SLC24A1: variants seen among roughly 807,000 people sequenced by gnomAD.
SLC24A1 encodes the protein solute carrier family 24 member 1.
In SLC24A1, 52 loss-of-function variants were observed where a neutral mutation model predicts 88.1. That is an observed-to-expected ratio of 0.59 (90% CI 0.47 to 0.74). The LOEUF is 0.74. Ranked by LOEUF, SLC24A1 falls within the 30% of genes least tolerant of loss-of-function variation. The pLI is 0.00. For missense variants in SLC24A1, 1,173 were observed against 1,363.3 expected, an observed-to-expected ratio of 0.86 and a Z score of 2.20; for synonymous variants, 455 against 498.0, an observed-to-expected ratio of 0.91 and a Z score of 1.15.
chr15:65,635,458 A>AG (rs2074892592), intron 2 of SLC24A1, among the ~76,000 whole-genome samples: 1 of 148,616 alleles, frequency 6.7e-6, no homozygotes, highest in Non-Finnish European at 1.5e-5. Flanking sequence ...AAAAAAAAAA[A>AG]AAAAAAAAAA....
In SLC24A1 at chr15:65,639,694, C is replaced by G. The variant is rs761935077; in HGVS notation, c.2044C>G (p.Leu682Val). ...YQLMLHSLDP[L>V]REVRLAKEKE... ...GCTCATGCTCCACAGCCTGGACCCC[C>G]TGAGGGAAGGTAAGCAAGGCCTCTC... The change falls in exon 4 of 10, where the codon CTG (leucine) becomes GTG (valine). Residue 682 changes from leucine (L) to valine (V), a missense_variant. By Grantham distance (32) the Leu-to-Val change is conservative. Transcript: ENST00000261892. 2 of 1,609,982 alleles carry G rather than the reference C, an allele frequency of 1.2e-6. No homozygotes were observed. The highest frequency in any genetic ancestry group is 1.1e-5 in the South Asian group (1 of 90,110).
At position 65,650,641 on chromosome 15, in the gene SLC24A1, A is replaced by G. The variant is rs1181634746; in HGVS notation, c.2492A>G (p.Gln831Arg). Residue 831 changes from glutamine to arginine, a missense_variant, in exon 7 of 10, where the codon CAG (glutamine) becomes CGG (arginine). Physicochemically the swap from Gln to Arg is conservative, Grantham distance 43. Coordinates refer to ENST00000261892, the MANE Select transcript of SLC24A1 (RefSeq NM_004727.3). This position sits in a 1 kb window ranked among gnomAD's most constrained non-coding sequence, Gnocchi z 4.1. The part of the protein sequence containing the change: ...MKGNEGETES[Q>R]ELSAENHGEA... ...GGTAATGAAGGTGAAACTGAAAGCC[A>G]GGAACTCAGTGCTGAAAATCACGGT... 1 of 1,550,034 alleles carries G rather than the reference A, an allele frequency of 6.5e-7. No individual in the cohort carries two copies. The highest frequency in any genetic ancestry group is 1.4e-5 in the African/African-American group (1 of 72,838).
intron 5 of SLC24A1, 132 bp downstream of exon 5, chr15:65,644,645 A>G (rs1489555950): frequency 1.6e-6 from 1 of 643,126 alleles, no homozygotes; most frequent in Non-Finnish European, 2.8e-6. Flanking sequence ...TGAGCCAGTC[A>G]GTTAGAGTGA....
downstream of SLC24A1, chr15:65,660,071 C>T (rs779462365): frequency 4.2e-6 from 2 of 477,352 alleles, no homozygotes; most frequent in Non-Finnish European, 7.4e-6. Flanking sequence ...AAATGTTTCT[C>T]TCAGTTGACA....
At position 65,654,828 on chromosome 15, in the gene SLC24A1, G is replaced by A; in HGVS notation, c.*749G>A. Reference sequence around the variant, plus strand: ...TCAAGCAATTCTCCTGCCTCAGCCTGAAGTCGTGATCTGCCCGCCTCGGCC... The same window carrying A: ...TCAAGCAATTCTCCTGCCTCAGCCTAAAGTCGTGATCTGCCCGCCTCGGCC... On this transcript the variant is annotated 3_prime_UTR_variant, in exon 10 of 10. Coordinates refer to ENST00000261892, the MANE Select transcript of SLC24A1 (RefSeq NM_004727.3). 3.8e-6 allele frequency: 4 copies of A among 1,057,328 alleles called. No homozygotes were observed. The highest frequency in any genetic ancestry group is 5.0e-6 in the Non-Finnish European group (4 of 804,704). The allele number at this position is 1,057,328 out of a possible 1,614,324, so 65.5% of individuals were successfully genotyped here.
chr15:65,628,375 G>T (rs1233269098), intron 2 of SLC24A1, among the ~76,000 whole-genome samples: 1 of 152,130 alleles, frequency 6.6e-6, no homozygotes, highest in Non-Finnish European at 1.5e-5. Context: ...AATAATTTTT[G>T]TGCCTCCTAA....
At chr15:65,641,920 C>T (rs1195252893) in intron 4 of SLC24A1, among the ~76,000 whole-genome samples, 1 of 152,236 alleles carries the variant, frequency 6.6e-6, no homozygotes, top group African/African-American at 2.4e-5. Flanking sequence ...GATGCTAAAG[C>T]CATGATCCGG....
In SLC24A1 at chr15:65,624,942, G is replaced by C. The variant is rs528969623; in HGVS notation, c.862G>C (p.Glu288Gln). ...KNNLFPPRRV[E>Q]SNSSAHPWGL... is the part of the protein sequence containing the mutation. ...CAACCTGTTTCCCCCCAGAAGAGTG[G>C]AAAGTAACAGCTCAGCCCATCCCTG... is the stretch of plus-strand genomic sequence containing the variant. Residue 288 changes from glutamate to glutamine, a missense_variant, in exon 2 of 10, where the codon GAA becomes CAA. Physicochemically the swap from Glu to Gln is conservative, Grantham distance 29. Transcript: ENST00000261892. The C allele has an allele frequency of 6.2e-7, 1 of 1,611,784 alleles. No individual in the cohort carries two copies. The highest frequency in any genetic ancestry group is 2.2e-5 in the East Asian group (1 of 44,874).
intron 6 of SLC24A1, among the ~76,000 whole-genome samples, chr15:65,648,087 C>T (rs1304592698): frequency 1.3e-5 from 2 of 152,120 alleles, no homozygotes; most frequent in Non-Finnish European, 2.9e-5. Flanking sequence ...GGTGAAACCC[C>T]GTCTCTACTA....
downstream of SLC24A1, among the ~76,000 whole-genome samples, chr15:65,657,511 C>T (rs1179964550): frequency 1.3e-5 from 2 of 152,146 alleles, no homozygotes; most frequent in East Asian, 3.9e-4. Context: ...GGCGAGGTGG[C>T]AGGCGCCTAT....
chr15:65,648,667 TA>T (rs776857827), intron 6 of SLC24A1, among the ~76,000 whole-genome samples: 62 of 151,704 alleles, frequency 4.1e-4, no homozygotes, highest in Non-Finnish European at 6.9e-4. Context: ...AATTTTTATT[TA>T]TTTATTTTTT....
At position 65,625,170 on chromosome 15, in the gene SLC24A1, G is replaced by C. The variant is rs553194871; in HGVS notation, c.1090G>C (p.Val364Leu). The change falls in exon 2 of 10, where the codon GTC becomes CTC. Residue 364 changes from valine to leucine, a missense_variant. Val to Leu is a conservative substitution (Grantham distance 32). Transcript: ENST00000261892. ...VSAIKTAPAI[V>L]WRLAKKPSTA... ...AGCCATCAAAACAGCCCCAGCCATA[G>C]TCTGGAGGCTGGCAAAGAAACCTTC... 1.9e-5 allele frequency: 30 copies of C among 1,613,938 alleles called. No individual in the cohort carries two copies. In the South Asian group the frequency reaches 2.7e-4, roughly 15 times the overall value.
Position 65,656,257 on chromosome 15 carries a change from C to G in SLC24A1, c.*2178C>G, listed in dbSNP as rs976180825. On this transcript the variant is annotated 3_prime_UTR_variant, in exon 10 of 10. Transcript: ENST00000261892. ...AATGATTAAAACCAACTCTAATAAT[C>G]TGACATCCTTTTCCCAGTTTGCTGA... 19 of 984,952 alleles carry G rather than the reference C, an allele frequency of 1.9e-5. No individual in the cohort carries two copies. The highest frequency in any genetic ancestry group is 2.3e-5 in the Non-Finnish European group (19 of 829,588). The allele number at this position is 984,952 out of a possible 1,614,324, so 61.0% of individuals were successfully genotyped here. A position where few individuals can be genotyped will look rare whatever the true frequency, so the allele number is the denominator to read the frequency against.
intron 4 of SLC24A1, chr15:65,644,029 T>C (rs1211587077): frequency 4.7e-6 from 1 of 212,778 alleles, no homozygotes; most frequent in Non-Finnish European, 9.6e-6. Context: ...CAATCAATCA[T>C]GGTACTTTTC....
chr15:65,630,614 A>G (rs2074686934), intron 2 of SLC24A1, among the ~76,000 whole-genome samples: 1 of 152,174 alleles, frequency 6.6e-6, no homozygotes, highest in African/African-American at 2.4e-5. Context: ...GTTTCCCTCT[A>G]ATTGTCAGGA....
chr15:65,655,625 A>T lies in SLC24A1; in HGVS notation c.*1546A>T. The T allele has an allele frequency of 1.0e-6, 1 of 985,394 alleles. No homozygotes were observed. Among genetic ancestry groups the T allele is most frequent in the Non-Finnish European group, 1.2e-6 (1 of 829,900 alleles). 61.0% of individuals were successfully genotyped at this position (985,394 alleles called of 1,614,324 possible). A position where few individuals can be genotyped will look rare whatever the true frequency, so the allele number is the denominator to read the frequency against. ...TGAGCTCGGGTGACTGCAGATTATG[A>T]TGGTAAATATGGCTTTAATTACAAA... On this transcript the variant is annotated 3_prime_UTR_variant, in exon 10 of 10. Coordinates refer to ENST00000261892, the MANE Select transcript of SLC24A1 (RefSeq NM_004727.3).
chr15:65,656,564 A>G (rs1249777788), downstream of SLC24A1, among the ~76,000 whole-genome samples: 1 of 152,212 alleles, frequency 6.6e-6, no homozygotes, highest in African/African-American at 2.4e-5. Flanking sequence ...AAATGTCGAG[A>G]TAATATTGAG....
chr15:65,624,475 C>G lies in SLC24A1; in HGVS notation c.395C>G (p.Pro132Arg). 2 of 1,609,018 alleles carry G rather than the reference C, an allele frequency of 1.2e-6. No homozygotes were observed. Among genetic ancestry groups the G allele is most frequent in the Non-Finnish European group, 1.7e-6 (2 of 1,177,522 alleles). ...IPTTTKNNYS[P>R]TAAGTERRKE... ...ACAACAACCAAGAATAATTACAGCC[C>G]AACAGCAGCAGGTACAGAAAGAAGG... Residue 132 changes from proline (P) to arginine (R), a missense_variant, in exon 2 of 10, where the codon CCA (proline) becomes CGA (arginine). Coordinates refer to ENST00000261892, the MANE Select transcript of SLC24A1 (RefSeq NM_004727.3).
chr15:65,615,691 A>G (rs534925910), intron 2 of SLC24A1, among the ~76,000 whole-genome samples: 1 of 152,268 alleles, frequency 6.6e-6, no homozygotes, highest in South Asian at 2.1e-4. Flanking sequence ...AAAAAAAATA[A>G]TAATTTGTGT....
Sources: allele counts gnomAD v4.1 joint callset (sites outside exome capture counted in the v4.1 genomes callset), GRCh38; gene constraint gnomAD v4.1.1; non-coding constraint Gnocchi (gnomAD v3.1); transcripts MANE v1.5; gene names NCBI Gene and HGNC (gene_info 2026-07-23, HGNC 2026-07-21).